The following STUM variants were observed in gnomAD, a reference collection of about 807,000 sequenced individuals.
STUM encodes the protein stum, mechanosensory transduction mediator homolog, also known as protein stum homolog.
In STUM, 8 loss-of-function variants were observed where a neutral mutation model predicts 15.3. That is an observed-to-expected ratio of 0.52 (90% CI 0.31 to 0.94). STUM has a LOEUF of 0.94. Among genes scored for constraint, STUM ranks in the 40% least tolerant of loss-of-function variants. STUM has a pLI of 0.05. For synonymous variants in STUM, 78 were observed against 88.7 expected (o/e 0.88, Z 0.68); for missense variants, 142 against 204.9 (o/e 0.69, Z 1.87).
intron 1 of STUM, among the ~76,000 whole-genome samples, chr1:226,558,274 T>A (rs572813614): frequency 6.6e-6 from 1 of 152,258 alleles, no homozygotes; most frequent in Non-Finnish European, 1.5e-5. Flanking sequence ...TAGAGTATAA[T>A]ACAATTAAGT....
chr1:226,554,037 C>T (rs1027620611), intron 1 of STUM, among the ~76,000 whole-genome samples: 48 of 152,236 alleles, frequency 3.2e-4, no homozygotes, highest in Non-Finnish European at 1.6e-4. Flanking sequence ...TAGGAGAATA[C>T]TTCCTCCCCT....
At chr1:226,583,977 T>C (rs1239303978) in intron 1 of STUM, among the ~76,000 whole-genome samples, 1 of 152,152 alleles carries the variant, frequency 6.6e-6, no homozygotes, top group Non-Finnish European at 1.5e-5. Flanking sequence ...TCTATTGTTG[T>C]GTAGAAAACA....
chr1:226,569,939 G>A (rs1009512252), intron 1 of STUM, among the ~76,000 whole-genome samples: 1 of 152,192 alleles, frequency 6.6e-6, no homozygotes, highest in African/African-American at 2.4e-5. Flanking sequence ...GGTGAGGTCA[G>A]TGGTTCTTAG....
At chr1:226,594,216 G>A (rs1668135366) in intron 1 of STUM, among the ~76,000 whole-genome samples, 1 of 152,172 alleles carries the variant, frequency 6.6e-6, no homozygotes, top group Non-Finnish European at 1.5e-5. Flanking sequence ...AGGAGCCAGC[G>A]AGTTGGGCAG....
intron 1 of STUM, among the ~76,000 whole-genome samples, chr1:226,571,142 A>G (rs1178563775): frequency 2.0e-5 from 3 of 152,088 alleles, no homozygotes; most frequent in African/African-American, 7.2e-5. Flanking sequence ...GAGGCAGGAG[A>G]TTTGCTTGAA....
rs1342895678 is a variant in STUM, at chr1:226,605,750, C to T, written c.*3710C>T. 1 of 152,516 alleles carries T rather than the reference C, an allele frequency of 6.6e-6. No homozygotes were observed. The highest frequency in any genetic ancestry group is 1.9e-4 in the East Asian group (1 of 5,194). 9.4% of individuals were successfully genotyped at this position (152,516 alleles called of 1,614,324 possible). ...GACGCCTCCACCCTGCCCCACAAGG[C>T]TCCGTACTCCCACCTGCCTGGGCAG... On this transcript the variant is annotated 3_prime_UTR_variant, in exon 4 of 4. Coordinates refer to ENST00000366788, the MANE Select transcript of STUM (RefSeq NM_001003665.4). The surrounding 1 kb of genome is among the most constrained non-coding windows in gnomAD (Gnocchi z 4.0).
At chr1:226,555,795 G>A (rs1013467671) in intron 1 of STUM, among the ~76,000 whole-genome samples, 3 of 152,122 alleles carry the variant, frequency 2.0e-5, no homozygotes, top group African/African-American at 7.2e-5. Context: ...GTAAAAGCTC[G>A]AGTCCTTATA....
At chr1:226,559,897 C>CG (rs545938867) in intron 1 of STUM, among the ~76,000 whole-genome samples, 1,800 of 149,036 alleles carry the variant, frequency 0.012, 13 homozygotes, top group South Asian at 0.039. Flanking sequence ...GGCGTGAACC[C>CG]GGGGGGGCGG....
chr1:226,579,466 C>T (rs927747473), intron 1 of STUM, among the ~76,000 whole-genome samples: 3 of 152,138 alleles, frequency 2.0e-5, no homozygotes, highest in African/African-American at 7.2e-5. Context: ...ATAGACGTTA[C>T]ATCAGATAAT....
rs796320332 is a variant in STUM at position 226,594,262 on chromosome 1, C to CCT, written c.203-2538_203-2537dup. ...GAAACCAATGAGTTGCATCCTGGGA[C>CCT]CTCACACTGGTGGCGGTGGTTAAGA... On this transcript the variant is annotated intron_variant, in intron 1 of 3. Transcript: ENST00000366788. 7.2e-5 allele frequency among the ~76,000 whole-genome samples: 11 copies of CCT among 152,230 alleles called. 1 individual carries two copies. Among genetic ancestry groups the CCT allele is most frequent in the African/African-American group, 2.6e-4 (11 of 41,544 alleles).
At chr1:226,551,679 C>T (rs180828229) in intron 1 of STUM, among the ~76,000 whole-genome samples, 7 of 152,348 alleles carry the variant, frequency 4.6e-5, no homozygotes, top group Admixed American at 6.5e-5. Context: ...AACACAGGCA[C>T]CTACCACATG....
rs371529990 is a variant in STUM at position 226,565,967 on chromosome 1, A to T, written c.202+16861A>T. ...GCGATTCCTCCTTACTCTTTCTGTG[A>T]TAAACAGAAGATATTGAAAGCAAAT... On this transcript the variant is annotated intron_variant, in intron 1 of 3. Transcript: ENST00000366788. This position sits in a 1 kb window ranked among gnomAD's most constrained non-coding sequence, Gnocchi z 4.4. Among the ~76,000 whole-genome samples the T allele has an allele frequency of 1.6e-4, 25 of 152,318 alleles. 1 individual carries two copies. The South Asian group carries it at 5.2e-3, about 32-fold the overall frequency.
At chr1:226,564,398 CATT>C (rs985538403) in intron 1 of STUM, among the ~76,000 whole-genome samples, 2 of 152,170 alleles carry the variant, frequency 1.3e-5, no homozygotes, top group Non-Finnish European at 1.5e-5. Context: ...ATTTCCATCT[CATT>C]GTTTCTTATT....
chr1:226,594,376 G>A (rs1267483295), intron 1 of STUM, among the ~76,000 whole-genome samples: 1 of 152,210 alleles, frequency 6.6e-6, no homozygotes. Context: ...AAACAAGGCA[G>A]CCTCAAAGAG....
chr1:226,564,901 G>A (rs1038340539), intron 1 of STUM, among the ~76,000 whole-genome samples: 3 of 152,198 alleles, frequency 2.0e-5, no homozygotes, highest in Non-Finnish European at 4.4e-5. Flanking sequence ...TGCCCTAGCA[G>A]AGGTGGGCAG....
chr1:226,582,843 A>G (rs1232171989), intron 1 of STUM, among the ~76,000 whole-genome samples: 1 of 152,186 alleles, frequency 6.6e-6, no homozygotes, highest in Non-Finnish European at 1.5e-5. Flanking sequence ...GTAACCAACA[A>G]GTTTGTGAAA....
chr1:226,595,961 G>A (rs1437440904), intron 1 of STUM, among the ~76,000 whole-genome samples: 2 of 152,228 alleles, frequency 1.3e-5, no homozygotes, highest in African/African-American at 2.4e-5. Flanking sequence ...TACTGACGCT[G>A]TAGGGAACTA....
rs1392761453 is a variant in STUM, at chr1:226,606,745, T to G, written c.*4705T>G. 1 of 152,192 alleles carries G rather than the reference T, an allele frequency of 6.6e-6. No individual in the cohort carries two copies. The highest frequency in any genetic ancestry group is 2.4e-5 in the African/African-American group (1 of 41,430). The allele number at this position is 152,192 out of a possible 1,614,324, so 9.4% of individuals were successfully genotyped here. ...AGGGAGCAGCCTGAAGCCTTTGCTG[T>G]CAACCCTCCCAGGAAAGAAGCCGGG... On this transcript the variant is annotated 3_prime_UTR_variant, in exon 4 of 4. Coordinates refer to ENST00000366788, the MANE Select transcript of STUM (RefSeq NM_001003665.4).
At chr1:226,599,134 A>G (rs1390741334) in intron 2 of STUM, among the ~76,000 whole-genome samples, 2 of 152,194 alleles carry the variant, frequency 1.3e-5, no homozygotes, top group African/African-American at 2.4e-5. Context: ...ATCTCCCACC[A>G]GGTTCCTCCC....
Sources: gnomAD v4.1 joint callset for allele counts (sites outside exome capture counted in the v4.1 genomes callset) on GRCh38, gnomAD v4.1.1 for gene constraint, Gnocchi (gnomAD v3.1) non-coding constraint, MANE v1.5 for transcripts, NCBI Gene and HGNC (gene_info 2026-07-23, HGNC 2026-07-21) for gene names.